CSMD1: variants seen among roughly 807,000 people sequenced by gnomAD.
The protein encoded by CSMD1 is CUB and Sushi multiple domains 1, also known as CUB and sushi domain-containing protein 1.
In CSMD1, 213 loss-of-function variants were observed where a neutral mutation model predicts 417.5. That is an observed-to-expected ratio of 0.51 (90% CI 0.46 to 0.57). CSMD1 has a LOEUF of 0.57. Among genes scored for constraint, CSMD1 ranks in the 20% least tolerant of loss-of-function variants. The pLI is 0.00. For synonymous variants in CSMD1, 2,862 were observed against 1,736.8 expected (o/e 1.65, Z -16.11); for missense variants, 6,923 against 4,529.7 (o/e 1.53, Z -15.17).
At chr8:4,217,190 T>C (rs1296819703) in intron 3 of CSMD1, among the ~76,000 whole-genome samples, 1 of 152,200 alleles carries the variant, frequency 6.6e-6, no homozygotes, top group Non-Finnish European at 1.5e-5. Flanking sequence ...CTGCTTATCA[T>C]GCAAAGTTAT....
chr8:4,588,658 GCCTTTAGT>G (rs952575213), intron 2 of CSMD1, among the ~76,000 whole-genome samples: 7 of 151,868 alleles, frequency 4.6e-5, no homozygotes, highest in Non-Finnish European at 7.4e-5. Context: ...GGTGGCGGGC[GCCTTTAGT>G]CCCAGCTACT....
chr8:4,839,581 G>C (rs1225876033), intron 1 of CSMD1, among the ~76,000 whole-genome samples: 4 of 152,136 alleles, frequency 2.6e-5, no homozygotes, highest in Admixed American at 2.0e-4. Context: ...CGGCCCAAGA[G>C]ATGAAATAAC....
rs568531731 is a variant in CSMD1 at position 4,275,833 on chromosome 8, T to G, written c.415+144120A>C. On this transcript the variant is annotated intron_variant, in intron 3 of 69. Transcript: ENST00000635120. ...TGATCTATACTAATGAAAGTGATAT[T>G]GTTATATTTTATATGTTATTCCACA... is the stretch of plus-strand genomic sequence containing the variant. Among the ~76,000 whole-genome samples, 63 of 152,354 alleles carry G rather than the reference T, an allele frequency of 4.1e-4. 1 individual carries two copies. Among genetic ancestry groups the G allele is most frequent in the Admixed American group, 1.1e-3 (17 of 15,298 alleles).
intron 12 of CSMD1, among the ~76,000 whole-genome samples, chr8:3,441,150 G>C (rs1814956773): frequency 6.6e-6 from 1 of 152,118 alleles, no homozygotes; most frequent in Non-Finnish European, 1.5e-5. Flanking sequence ...GAGGAGCATA[G>C]GAGACACTGT....
At chr8:3,944,810 TC>T (rs920567171) in intron 5 of CSMD1, among the ~76,000 whole-genome samples, 1 of 151,772 alleles carries the variant, frequency 6.6e-6, no homozygotes, top group Non-Finnish European at 1.5e-5. Flanking sequence ...TTGCGTTTCT[TC>T]CCCCGCCAAT....
intron 3 of CSMD1, among the ~76,000 whole-genome samples, chr8:4,412,374 T>G (rs995261990): frequency 6.6e-6 from 1 of 152,146 alleles, no homozygotes; most frequent in African/African-American, 2.4e-5. Context: ...CTCCTCCCCT[T>G]GCTTCCGCAT....
chr8:4,383,134 A>G (rs1045682838), intron 3 of CSMD1, among the ~76,000 whole-genome samples: 27 of 152,214 alleles, frequency 1.8e-4, no homozygotes, highest in African/African-American at 6.5e-4. Context: ...AAACTAAGCA[A>G]CTTGATGATT....
At chr8:4,817,399 G>A (rs573441838) in intron 1 of CSMD1, among the ~76,000 whole-genome samples, 8 of 152,272 alleles carry the variant, frequency 5.3e-5, no homozygotes, top group South Asian at 2.1e-4. Flanking sequence ...GGCAACCTAC[G>A]TCAAGTCTCT....
chr8:3,906,654 A>G (rs927758796), intron 5 of CSMD1, among the ~76,000 whole-genome samples: 4 of 151,376 alleles, frequency 2.6e-5, no homozygotes, highest in Non-Finnish European at 5.9e-5. Context: ...TTTGCAAAGT[A>G]CACCTTGCAC....
At chr8:3,662,627 G>C (rs189619620) in intron 7 of CSMD1, among the ~76,000 whole-genome samples, 2 of 152,190 alleles carry the variant, frequency 1.3e-5, no homozygotes, top group African/African-American at 4.8e-5. Context: ...CTGTCTTCCA[G>C]AATGGTTGAA....
At chr8:3,939,583 A>G (rs539560539) in intron 5 of CSMD1, among the ~76,000 whole-genome samples, 2 of 152,276 alleles carry the variant, frequency 1.3e-5, no homozygotes, top group East Asian at 3.9e-4. Flanking sequence ...TTATAGCAGC[A>G]CAATTCACAA....
chr8:4,695,891 A>G (rs1371710224), intron 1 of CSMD1, among the ~76,000 whole-genome samples: 2 of 152,210 alleles, frequency 1.3e-5, no homozygotes, highest in African/African-American at 4.8e-5. Flanking sequence ...GAGAAACCCT[A>G]TGTATTTGCC....
At chr8:4,372,354 GT>G (rs1469954055) in intron 3 of CSMD1, among the ~76,000 whole-genome samples, 3 of 152,086 alleles carry the variant, frequency 2.0e-5, no homozygotes, top group African/African-American at 7.2e-5. Context: ...AACGCTTAGT[GT>G]TTCCTTCCAC....
At chr8:4,769,287 C>G (rs921348150) in intron 1 of CSMD1, among the ~76,000 whole-genome samples, 3 of 152,108 alleles carry the variant, frequency 2.0e-5, no homozygotes, top group Non-Finnish European at 4.4e-5. Flanking sequence ...GAAAGTACAC[C>G]TGAAGGAATC....
At chr8:4,658,749 T>G (rs944611214) in intron 1 of CSMD1, among the ~76,000 whole-genome samples, 9 of 152,168 alleles carry the variant, frequency 5.9e-5, no homozygotes, top group African/African-American at 2.2e-4. Context: ...TAACTCATTT[T>G]TCTTCTATAT....
At chr8:3,539,972 A>G (rs1798369898) in intron 10 of CSMD1, among the ~76,000 whole-genome samples, 1 of 152,196 alleles carries the variant, frequency 6.6e-6, no homozygotes, top group Non-Finnish European at 1.5e-5. Context: ...TTTGAGAAAC[A>G]GTCTTCTAAA....
chr8:4,046,504 T>G (rs1327428896), intron 3 of CSMD1, among the ~76,000 whole-genome samples: 1 of 152,206 alleles, frequency 6.6e-6, no homozygotes, highest in East Asian at 1.9e-4. Context: ...AAGCATGTTT[T>G]GTGGTTGCTG....
chr8:4,346,104 T>A (rs1800764470), intron 3 of CSMD1, among the ~76,000 whole-genome samples: 1 of 152,150 alleles, frequency 6.6e-6, no homozygotes, highest in Admixed American at 6.6e-5. Context: ...CTAGAAATCT[T>A]CAGCATTAGA....
At chr8:3,450,938 A>C (rs945888538) in intron 12 of CSMD1, among the ~76,000 whole-genome samples, 6 of 152,088 alleles carry the variant, frequency 3.9e-5, no homozygotes, top group African/African-American at 1.2e-4. Context: ...CCAACAGTGT[A>C]AAAGTGTTCC....
Sources: gnomAD v4.1 joint callset for allele counts (sites outside exome capture counted in the v4.1 genomes callset) on GRCh38, gnomAD v4.1.1 for gene constraint, MANE v1.5 for transcripts, NCBI Gene and HGNC (gene_info 2026-07-23, HGNC 2026-07-21) for gene names.